DNM2: variants seen among roughly 807,000 people sequenced by gnomAD.
DNM2 encodes the protein dynamin 2.
DNM2 carries 15 observed loss-of-function variants against 99.0 expected under a neutral mutation model. The observed-to-expected ratio is 0.15, with a 90% CI of 0.10 to 0.23. DNM2 has a LOEUF of 0.23. DNM2 is among the 10% of genes least tolerant of loss of function. The pLI is 1.00. For missense variants in DNM2, 742 were observed against 1,189.4 expected (o/e 0.62, Z 5.53); for synonymous variants, 525 against 481.2 (o/e 1.09, Z -1.19).
At chr19:10,793,228 C>A (rs2071814713) in intron 7 of DNM2, among the ~76,000 whole-genome samples, 1 of 152,194 alleles carries the variant, frequency 6.6e-6, no homozygotes, top group Non-Finnish European at 1.5e-5. Flanking sequence ...TTACCCTCAA[C>A]CCATTTTGTA....
intron 1 of DNM2, among the ~76,000 whole-genome samples, chr19:10,756,641 A>T (rs1329513634): frequency 2.0e-5 from 3 of 151,812 alleles, no homozygotes; most frequent in Admixed American, 2.0e-4. Context: ...AGGCCTGGAG[A>T]GCTGACTGTG....
In DNM2 at chr19:10,812,254, T is replaced by C. The variant is rs2072576179; in HGVS notation, c.1558-10T>C. The C allele has an allele frequency of 6.3e-7, 1 of 1,585,908 alleles. No homozygotes were observed. The highest frequency in any genetic ancestry group is 2.3e-5 in the East Asian group (1 of 43,642). On this transcript the variant is annotated splice_polypyrimidine_tract_variant and intron_variant, in intron 14 of 20. Transcript: ENST00000389253. The surrounding 1 kb of genome is among the most constrained non-coding windows in gnomAD (Gnocchi z 4.0). ...CGAGGTTCCCTGCTAAGCTGCGCGC[T>C]TTCCCCCAGGTGATCCGCAGGGGCT...
chr19:10,831,545 CT>C lies in DNM2; in HGVS notation c.*499del. ...GCTCGGTAGTGCCCAGCTGGCAGGC[CT>C]GAGGTGTACATAGTCCTTCCCGGCC... On this transcript the variant is annotated 3_prime_UTR_variant, in exon 21 of 21. Coordinates refer to ENST00000389253, the MANE Select transcript of DNM2 (RefSeq NM_001005361.3). The surrounding 1 kb of genome is among the most constrained non-coding windows in gnomAD (Gnocchi z 4.3). 1.0e-6 allele frequency: 1 copy of C among 986,608 alleles called. No homozygotes were observed. The highest frequency in any genetic ancestry group is 1.2e-6 in the Non-Finnish European group (1 of 830,474). The allele number at this position is 986,608 out of a possible 1,614,324, so 61.1% of individuals were successfully genotyped here. A position where few individuals can be genotyped will look rare whatever the true frequency, so the allele number is the denominator to read the frequency against.
At position 10,831,057 on chromosome 19, in the gene DNM2, G is replaced by A. The variant is rs200188660; in HGVS notation, c.*10G>A. 601 of 1,597,792 alleles carry A rather than the reference G, an allele frequency of 3.8e-4. 16 individuals carry two copies. In the East Asian group the frequency reaches 9.7e-3, roughly 26 times the overall value. ...ATCCCTGCTCGACTAGGCCTCGAGG[G>A]GGGCGTGCTCTCGGGGGGGCCTCAC... On this transcript the variant is annotated 3_prime_UTR_variant, in exon 21 of 21. Coordinates refer to ENST00000389253, the MANE Select transcript of DNM2 (RefSeq NM_001005361.3). The surrounding 1 kb of genome is among the most constrained non-coding windows in gnomAD (Gnocchi z 4.3).
chr19:10,796,007 T>C lies in DNM2; in HGVS notation c.1196+568T>C, dbSNP rs2071918200. ...CCAGGGCCAATGAAATTGCTGACCA[T>C]GCTTTGTTTCTCTCTGACTTATCTC... On this transcript the variant is annotated intron_variant, in intron 9 of 20. Transcript: ENST00000389253. The surrounding 1 kb of genome is among the most constrained non-coding windows in gnomAD (Gnocchi z 5.6). The C allele has an allele frequency of 1.2e-6, 2 of 1,611,296 alleles. No homozygotes were observed. Among genetic ancestry groups the C allele is most frequent in the South Asian group, 1.1e-5 (1 of 90,980 alleles).
At position 10,793,869 on chromosome 19, in the gene DNM2, G is replaced by A. The variant is rs1568304393; in HGVS notation, c.1128+14G>A. ...GAGCTGGTGAAGGTAGTGCCCCCCG[G>A]GGCTGGGCCCTCCCGTCTCTGGTCA... On this transcript the variant is annotated intron_variant, in intron 8 of 20. Transcript: ENST00000389253. The A allele has an allele frequency of 3.1e-6, 5 of 1,614,060 alleles. No homozygotes were observed. The South Asian group carries it at 4.4e-5, about 14-fold the overall frequency.
In DNM2 at chr19:10,772,163, T is replaced by G. The variant is rs1039896116; in HGVS notation, c.236-316T>G. 6.6e-6 allele frequency among the ~76,000 whole-genome samples: 1 copy of G among 151,980 alleles called. No homozygotes were observed. Among genetic ancestry groups the G allele is most frequent in the Non-Finnish European group, 1.5e-5 (1 of 67,996 alleles). On this transcript the variant is annotated intron_variant, in intron 2 of 20. Coordinates refer to ENST00000389253, the MANE Select transcript of DNM2 (RefSeq NM_001005361.3). The surrounding 1 kb of genome is among the most constrained non-coding windows in gnomAD (Gnocchi z 4.9). ...GGCGCAATCTCGGCTCACTACAACC[T>G]CCGCCTCCCGGGTTCAAGCAATTAT...
chr19:10,793,932 A>G, intron 8 of DNM2, 77 bp downstream of exon 8: 1 of 1,610,736 alleles, frequency 6.2e-7, no homozygotes, highest in Non-Finnish European at 8.5e-7. Flanking sequence ...GCCTCCTCCC[A>G]GGCAATAAGG....
intron 1 of DNM2, among the ~76,000 whole-genome samples, chr19:10,753,177 G>A (rs905083549): frequency 2.6e-5 from 4 of 152,178 alleles, no homozygotes; most frequent in African/African-American, 4.8e-5. Context: ...TCAATGCCTT[G>A]CTTGGCATAG....
intron 11 of DNM2, among the ~76,000 whole-genome samples, chr19:10,801,970 C>T (rs2072165725): frequency 6.6e-6 from 1 of 152,060 alleles, no homozygotes; most frequent in Non-Finnish European, 1.5e-5. Context: ...AGTTGGGCCT[C>T]CTGTCACCCC....
intron 1 of DNM2, among the ~76,000 whole-genome samples, chr19:10,751,505 G>A (rs960028419): frequency 2.6e-5 from 4 of 152,152 alleles, no homozygotes; most frequent in Non-Finnish European, 5.9e-5. Context: ...TTTCTGGAAG[G>A]CTCCAAGTAC....
intron 5 of DNM2, among the ~76,000 whole-genome samples, chr19:10,779,502 CTTTTTTTTTTTTT>C (rs55819116): frequency 6.8e-5 from 2 of 29,602 alleles, no homozygotes; most frequent in Admixed American, 5.9e-4. Flanking sequence ...TTCTTTCTTT[CTTTTTTTTTTTTT>C]TTTTTTTTTT....
intron 12 of DNM2, 27 bp downstream of exon 12, chr19:10,802,385 C>T (rs764238249): frequency 1.2e-5 from 19 of 1,611,590 alleles, no homozygotes; most frequent in African/African-American, 9.4e-5. Context: ...ACTGGCTGGT[C>T]GGGCGGCACC....
chr19:10,733,282 C>T (rs548684346), intron 1 of DNM2, among the ~76,000 whole-genome samples: 3 of 150,528 alleles, frequency 2.0e-5, no homozygotes, highest in Non-Finnish European at 4.4e-5. Context: ...ACCTCCCCCT[C>T]TCGGGCTCAA....
chr19:10,791,769 C>T (rs1568303187), intron 7 of DNM2, among the ~76,000 whole-genome samples: 1 of 151,972 alleles, frequency 6.6e-6, no homozygotes, highest in African/African-American at 2.4e-5. Flanking sequence ...TGACCTTGGT[C>T]CTGGTTTGGT....
chr19:10,721,537 C>T (rs2068941114), intron 1 of DNM2, among the ~76,000 whole-genome samples: 1 of 152,146 alleles, frequency 6.6e-6, no homozygotes, highest in Non-Finnish European at 1.5e-5. Flanking sequence ...TCAAACAAGG[C>T]TTACTTTTTT....
chr19:10,814,651 T>A (rs1179178717), intron 15 of DNM2, among the ~76,000 whole-genome samples: 2 of 151,978 alleles, frequency 1.3e-5, no homozygotes, highest in African/African-American at 4.8e-5. Context: ...CCTTCTACTC[T>A]CCACCTCTGT....
chr19:10,733,990 A>G (rs2069430247), intron 1 of DNM2, among the ~76,000 whole-genome samples: 1 of 151,970 alleles, frequency 6.6e-6, no homozygotes, highest in South Asian at 2.1e-4. Flanking sequence ...CCTGGACAAC[A>G]AAAGGAGACT....
rs904908170 is a variant in DNM2, at chr19:10,825,340, G to C, written c.2058+119G>C. Reference sequence around the variant, plus strand: ...ACTTGAGGTCAGGAGTTCAAGACCAGCCTGGCCAAAACGGTGAAACCCCAT... The same window carrying C: ...ACTTGAGGTCAGGAGTTCAAGACCACCCTGGCCAAAACGGTGAAACCCCAT... On this transcript the variant is annotated intron_variant, in intron 18 of 20. Transcript: ENST00000389253. 34 of 1,417,564 alleles carry C rather than the reference G, an allele frequency of 2.4e-5. No individual in the cohort carries two copies. In the African/African-American group the frequency reaches 2.4e-4, roughly 10 times the overall value. 87.8% of individuals were successfully genotyped at this position (1,417,564 alleles called of 1,614,324 possible). A position where few individuals can be genotyped will look rare whatever the true frequency, so the allele number is the denominator to read the frequency against.
Sources: allele counts gnomAD v4.1 joint callset (sites outside exome capture counted in the v4.1 genomes callset), GRCh38; gene constraint gnomAD v4.1.1; non-coding constraint Gnocchi (gnomAD v3.1); transcripts MANE v1.5; gene names NCBI Gene and HGNC (gene_info 2026-07-23, HGNC 2026-07-21).